LRP1B: variants seen among roughly 807,000 people sequenced by gnomAD.
LRP1B encodes the protein LDL receptor related protein 1B.
Under a neutral mutation model 556.6 loss-of-function variants are expected in LRP1B, and 217 were observed. That is an observed-to-expected ratio of 0.39 (90% CI 0.35 to 0.44). The LOEUF (loss-of-function observed/expected upper bound fraction) is 0.44, where lower values mean the gene tolerates loss of function less well. Ranked by LOEUF, LRP1B falls within the 20% of genes least tolerant of loss-of-function variation. The pLI is 1.00. For missense variants in LRP1B, 5,053 were observed against 5,620.8 expected, an observed-to-expected ratio of 0.90 and a Z score of 3.23; for synonymous variants, 2,047 against 1,865.8, an observed-to-expected ratio of 1.10 and a Z score of -2.50.
rs1419423539 is a variant in LRP1B at position 141,746,698 on chromosome 2, G to A, written c.205+63581C>T. On this transcript the variant is annotated intron_variant, in intron 2 of 90. Transcript: ENST00000389484. ...GATAGTTGTTAAATTTGGTGTTCCT[G>A]TCCAGGGGCATGGGATAGGCCATCT... is the stretch of plus-strand genomic sequence containing the variant. Among the ~76,000 whole-genome samples the A allele has an allele frequency of 3.3e-5, 5 of 151,968 alleles. No individual in the cohort carries two copies. In the East Asian group the frequency reaches 5.8e-4, roughly 18 times the overall value.
In LRP1B at chr2:140,270,328, A is replaced by G. The variant is rs1252270611; in HGVS notation, c.13161T>C (p.Ile4387=). 6.2e-7 allele frequency: 1 copy of G among 1,611,132 alleles called. No individual in the cohort carries two copies. Among genetic ancestry groups the G allele is most frequent in the East Asian group, 2.2e-5 (1 of 44,806 alleles). Residue 4387 remains isoleucine, a synonymous_variant, in exon 86 of 91, where the codon ATT becomes ATC. Transcript: ENST00000389484. ...CATCACATAACTGACAGCTAGAGGC[A>G]ATCTTTCCATTAGTGCAGCTGCAAC... The part of the protein sequence containing the change: ...DIFCNCTNGK[I]ASSCQLCDGY...
At chr2:140,244,767 C>CA (rs1681083513) in intron 87 of LRP1B, among the ~76,000 whole-genome samples, 1 of 140,518 alleles carries the variant, frequency 7.1e-6, no homozygotes, top group South Asian at 2.1e-4. Flanking sequence ...ATTAGGCAGA[C>CA]AGAGGCAGTG....
At chr2:140,897,972 A>G (rs1444522828) in intron 23 of LRP1B, among the ~76,000 whole-genome samples, 2 of 152,048 alleles carry the variant, frequency 1.3e-5, no homozygotes, top group Admixed American at 6.5e-5. Flanking sequence ...CTATCCTATT[A>G]GTTCTGTCCT....
At chr2:141,503,001 G>T (rs1224212985) in intron 2 of LRP1B, among the ~76,000 whole-genome samples, 1 of 150,586 alleles carries the variant, frequency 6.6e-6, no homozygotes, top group Non-Finnish European at 1.5e-5. Context: ...CACATTAAAG[G>T]TTGTAATGTA....
intron 66 of LRP1B, among the ~76,000 whole-genome samples, chr2:140,427,815 A>G (rs1685728206): frequency 6.6e-6 from 1 of 151,384 alleles, no homozygotes; most frequent in African/African-American, 2.4e-5. Context: ...CGCCAGGCCG[A>G]GCTAGGTCCC....
At chr2:142,087,475 T>G (rs1429193556) in intron 1 of LRP1B, among the ~76,000 whole-genome samples, 2 of 151,672 alleles carry the variant, frequency 1.3e-5, no homozygotes, top group African/African-American at 4.8e-5. Flanking sequence ...AAAGAGAAAT[T>G]ATAAGAACAA....
chr2:140,361,364 A>ATATATATATATATG (rs1682501487), intron 72 of LRP1B, among the ~76,000 whole-genome samples: 1 of 131,278 alleles, frequency 7.6e-6, no homozygotes, highest in Non-Finnish European at 1.6e-5. Flanking sequence ...ATATATATAT[A>ATATATATATATATG]TATATATATA....
At chr2:141,777,535 C>A (rs1695117674) in intron 2 of LRP1B, among the ~76,000 whole-genome samples, 1 of 152,040 alleles carries the variant, frequency 6.6e-6, no homozygotes, top group Non-Finnish European at 1.5e-5. Context: ...CCTGTCTCAG[C>A]CTCCCAAGTA....
At chr2:140,246,686 C>T (rs1262405324) in intron 87 of LRP1B, among the ~76,000 whole-genome samples, 5 of 151,450 alleles carry the variant, frequency 3.3e-5, no homozygotes, top group Admixed American at 2.0e-4. Context: ...TTTCTCCCCC[C>T]AAGACACATT....
At chr2:141,100,505 C>A (rs553533584) in intron 7 of LRP1B, among the ~76,000 whole-genome samples, 16 of 152,304 alleles carry the variant, frequency 1.1e-4, no homozygotes, top group African/African-American at 3.8e-4. Flanking sequence ...TCACTGGGAT[C>A]ACCATGTTGA....
chr2:140,453,812 A>G (rs1686976371), intron 62 of LRP1B, among the ~76,000 whole-genome samples: 2 of 152,172 alleles, frequency 1.3e-5, no homozygotes, highest in Non-Finnish European at 2.9e-5. Flanking sequence ...CTAAAATAAT[A>G]CTATTTGGGG....
chr2:141,184,101 T>C (rs1681128948), intron 7 of LRP1B, among the ~76,000 whole-genome samples: 2 of 152,042 alleles, frequency 1.3e-5, no homozygotes, highest in African/African-American at 2.4e-5. Context: ...CAATACTAAA[T>C]AGTTTGATAT....
At chr2:140,518,331 C>A (rs5004995) in intron 49 of LRP1B, among the ~76,000 whole-genome samples, 116,546 of 151,948 alleles carry the variant, frequency 0.77, 45,380 homozygotes, top group Middle Eastern at 0.88. Context: ...GGCTTCCTGT[C>A]TGTCTGTCTA....
intron 41 of LRP1B, among the ~76,000 whole-genome samples, chr2:140,628,211 TA>T (rs1223910205): frequency 6.6e-6 from 1 of 152,018 alleles, no homozygotes; most frequent in Non-Finnish European, 1.5e-5. Flanking sequence ...GGACACCAAG[TA>T]AAATACTAGT....
At chr2:141,488,450 G>A (rs1683198042) in intron 2 of LRP1B, among the ~76,000 whole-genome samples, 1 of 151,986 alleles carries the variant, frequency 6.6e-6, no homozygotes, top group South Asian at 2.1e-4. Flanking sequence ...AGTAAAGCCT[G>A]CTACTAACTC....
intron 6 of LRP1B, among the ~76,000 whole-genome samples, chr2:141,208,876 C>CAAAAAAAA (rs57659094): frequency 1.2e-4 from 8 of 65,460 alleles, no homozygotes; most frequent in South Asian, 6.0e-4. Flanking sequence ...GATTCCGTCT[C>CAAAAAAAA]AAAAAAAAAA....
intron 31 of LRP1B, among the ~76,000 whole-genome samples, chr2:140,821,064 T>C (rs947694707): frequency 6.6e-6 from 1 of 152,150 alleles, no homozygotes; most frequent in Non-Finnish European, 1.5e-5. Flanking sequence ...AGCATAGTAC[T>C]CATGAAAAAC....
At chr2:141,165,226 A>T (rs973957432) in intron 7 of LRP1B, among the ~76,000 whole-genome samples, 1 of 152,004 alleles carries the variant, frequency 6.6e-6, no homozygotes, top group African/African-American at 2.4e-5. Flanking sequence ...AGAAATCATC[A>T]GCCAAGAATT....
intron 41 of LRP1B, among the ~76,000 whole-genome samples, chr2:140,641,082 A>G (rs1290253685): frequency 6.6e-6 from 1 of 152,230 alleles, no homozygotes; most frequent in Admixed American, 6.5e-5. Flanking sequence ...AACTCCACAT[A>G]AAAGACAAAA....
Sources: allele counts gnomAD v4.1 joint callset (sites outside exome capture counted in the v4.1 genomes callset), GRCh38; gene constraint gnomAD v4.1.1; transcripts MANE v1.5; gene names NCBI Gene and HGNC (gene_info 2026-07-23, HGNC 2026-07-21).